Variants in POTEJ observed in about 807,000 individuals in gnomAD.
POTEJ encodes the protein POTE ankyrin domain family member J, also known as POTE ankyrin domain family, member J.
A neutral mutation model predicts 69.0 loss-of-function variants in POTEJ; 11 were observed. The ratio of observed to expected loss-of-function variants is 0.16; its 90% CI spans 0.10 to 0.26. POTEJ has a LOEUF of 0.26. Ranked by LOEUF, POTEJ falls within the 10% of genes least tolerant of loss-of-function variation. The pLI is 1.00. For missense variants in POTEJ, 327 were observed against 1,045.5 expected, an observed-to-expected ratio of 0.31 and a Z score of 9.48; for synonymous variants, 117 against 381.1, an observed-to-expected ratio of 0.31 and a Z score of 8.07.
At chr2:130,611,323 C>T (rs1241577748), upstream of POTEJ, among the ~76,000 whole-genome samples, 2 of 127,022 alleles carry the variant, frequency 1.6e-5, no homozygotes, top group Non-Finnish European at 3.2e-5. Context: ...TTGGCCCTTC[C>T]TCGGGTGGGC....
intron 6 of POTEJ, among the ~76,000 whole-genome samples, chr2:130,629,069 G>T: frequency 6.6e-6 from 1 of 152,198 alleles, no homozygotes; most frequent in Non-Finnish European, 1.5e-5. Flanking sequence ...AATCGTGGAG[G>T]GAAACATTTT....
At chr2:130,611,423 C>G (rs1685203332), upstream of POTEJ, 1 of 475,046 alleles carries the variant, frequency 2.1e-6, no homozygotes. Context: ...CTGGGATTGA[C>G]TTTTCTCTTC....
chr2:130,626,955 G>A (rs1248018801), intron 6 of POTEJ, among the ~76,000 whole-genome samples: 1 of 152,146 alleles, frequency 6.6e-6, no homozygotes, highest in Non-Finnish European at 1.5e-5. Context: ...TGTTCCCAGT[G>A]GCAGTGGGAA....
intron 9 of POTEJ, among the ~76,000 whole-genome samples, chr2:130,636,494 C>G (rs537558959): frequency 6.8e-6 from 1 of 146,254 alleles, no homozygotes; most frequent in South Asian, 2.1e-4. Context: ...AAAAAAAACC[C>G]TTTCTCAGCA....
chr2:130,656,496 C>T, intron 14 of POTEJ, 53 bp from the exon 15 acceptor site: 1 of 1,564,586 alleles, frequency 6.4e-7, no homozygotes, highest in Admixed American at 1.8e-5. Context: ...CAAAAGAAAT[C>T]ATGTTATGTC....
rs1309747175 is a variant in POTEJ at position 130,652,351 on chromosome 2, G to A, written c.1668-2570G>A. ...GTGTGAATTACCCAGTCTCAGCTAT[G>A]TACATATGTATATGTGTGAGTGTAT... On this transcript the variant is annotated intron_variant, in intron 13 of 14. Transcript: ENST00000409602. Among the ~76,000 whole-genome samples, 3 of 124,194 alleles carry A rather than the reference G, an allele frequency of 2.4e-5. 1 individual carries two copies. The highest frequency in any genetic ancestry group is 5.2e-5 in the Non-Finnish European group (3 of 57,306). The allele number at this position is 124,194 out of a possible 152,430, so 81.5% of individuals were successfully genotyped here.
At chr2:130,651,962 A>T (rs1319797463) in intron 13 of POTEJ, among the ~76,000 whole-genome samples, 2 of 112,724 alleles carry the variant, frequency 1.8e-5, no homozygotes, top group Non-Finnish European at 3.3e-5. Flanking sequence ...TAGATATTTT[A>T]AAAATAAGGA....
chr2:130,657,720 T>A lies in POTEJ; in HGVS notation c.2960T>A (p.Met987Lys), dbSNP rs1234286158. The A allele has an allele frequency of 1.4e-6, 2 of 1,413,672 alleles. No homozygotes were observed. 87.6% of individuals were successfully genotyped at this position (1,413,672 alleles called of 1,614,324 possible). A position where few individuals can be genotyped will look rare whatever the true frequency, so the allele number is the denominator to read the frequency against. The change falls in exon 15 of 15, where the codon ATG becomes AAG. Residue 987 changes from methionine (M) to lysine (K), a missense_variant. Physicochemically the swap from Met to Lys is moderately conservative, Grantham distance 95. Transcript: ENST00000409602. The stretch of plus-strand genomic sequence containing the variant: ...GAGATCGCTGCCCTGGCGCCTAGCA[T>A]GATGAAGATCAGGATCATTGCTCCT... ...QKEIAALAPS[M>K]MKIRIIAPPK...
At chr2:130,613,307 TATATA>T in intron 1 of POTEJ, among the ~76,000 whole-genome samples, 1 of 113,598 alleles carries the variant, frequency 8.8e-6, no homozygotes, top group East Asian at 2.2e-4. Flanking sequence ...TACATATGTA[TATATA>T]CATATATATA....
At chr2:130,613,255 CACATATATACATATATATACATATGT>C (rs1685283256) in intron 1 of POTEJ, among the ~76,000 whole-genome samples, 9 of 84,624 alleles carry the variant, frequency 1.1e-4, no homozygotes, top group East Asian at 5.8e-4. Flanking sequence ...CATATATATA[CACATATATACATATATATACATATGT>C]ATATATACAT....
chr2:130,618,601 G>A (rs76830209), intron 3 of POTEJ, among the ~76,000 whole-genome samples: 7 of 146,748 alleles, frequency 4.8e-5, no homozygotes, highest in South Asian at 2.1e-4. Flanking sequence ...CAACAACGAC[G>A]ACGACAACAA....
At position 130,632,799 on chromosome 2, in the gene POTEJ, C is replaced by T. The variant is rs141170092; in HGVS notation, c.1298+143C>T. ...CATTAATCAGAAAAATGAAAATCAG[C>T]GAACAATGAGTTACCATTTTTCCAG... On this transcript the variant is annotated intron_variant, in intron 9 of 14. Transcript: ENST00000409602. 2,004 of 1,268,024 alleles carry T rather than the reference C, an allele frequency of 1.6e-3. 322 individuals carry two copies. The African/African-American group carries it at 0.028, about 18-fold the overall frequency. The allele number at this position is 1,268,024 out of a possible 1,614,324, so 78.5% of individuals were successfully genotyped here.
chr2:130,626,792 T>A (rs1573976275), intron 6 of POTEJ, among the ~76,000 whole-genome samples: 5 of 152,302 alleles, frequency 3.3e-5, no homozygotes, highest in African/African-American at 1.2e-4. Flanking sequence ...TACATAAAGT[T>A]AGGAATCTCA....
chr2:130,612,308 A>G (rs1204615762), intron 1 of POTEJ, among the ~76,000 whole-genome samples: 1 of 151,516 alleles, frequency 6.6e-6, no homozygotes, highest in African/African-American at 2.4e-5. Context: ...ATGAAGCCCC[A>G]TAACACATCA....
Position 130,643,911 on chromosome 2 carries a change from G to A in POTEJ, c.1370-72G>A, listed in dbSNP as rs200962994. 129 of 70,878 alleles carry A rather than the reference G, an allele frequency of 1.8e-3. 1 individual carries two copies. In the East Asian group the frequency reaches 0.029, roughly 16 times the overall value. The allele number at this position is 70,878 out of a possible 1,614,324, so 4.4% of individuals were successfully genotyped here. On this transcript the variant is annotated intron_variant, in intron 10 of 14. Transcript: ENST00000409602. ...AAATAAAATGAAATGTCTCAAATCCGTTTTTAAAAGGCAATAGTTTTTAAC... is the reference window on the plus strand; with the variant it reads ...AAATAAAATGAAATGTCTCAAATCCATTTTTAAAAGGCAATAGTTTTTAAC...
chr2:130,626,741 G>C (rs1320896836), intron 6 of POTEJ, among the ~76,000 whole-genome samples: 2 of 152,168 alleles, frequency 1.3e-5, no homozygotes, highest in African/African-American at 4.8e-5. Flanking sequence ...CCTTGGAGTA[G>C]CATCAATGTA....
intron 10 of POTEJ, among the ~76,000 whole-genome samples, chr2:130,640,647 T>A (rs1309131050): frequency 6.6e-6 from 1 of 151,722 alleles, no homozygotes; most frequent in Non-Finnish European, 1.5e-5. Context: ...TTTCTTCACG[T>A]GTGTCTTTTA....
At chr2:130,613,300 ATATG>A (rs1216023549) in intron 1 of POTEJ, among the ~76,000 whole-genome samples, 28 of 118,652 alleles carry the variant, frequency 2.4e-4, no homozygotes, top group African/African-American at 5.4e-4. Context: ...ATATATATAC[ATATG>A]TATATATACA....
At chr2:130,613,885 G>A (rs1420672483) in intron 1 of POTEJ, among the ~76,000 whole-genome samples, 16 of 130,196 alleles carry the variant, frequency 1.2e-4, no homozygotes, top group African/African-American at 4.6e-4. Flanking sequence ...AAGGCCGGGT[G>A]CAGTGGCTTA....
Sources: gnomAD v4.1 joint callset for allele counts (sites outside exome capture counted in the v4.1 genomes callset) on GRCh38, gnomAD v4.1.1 for gene constraint, MANE v1.5 for transcripts, NCBI Gene and HGNC (gene_info 2026-07-23, HGNC 2026-07-21) for gene names.